The following CECR2 variants were observed in gnomAD, a reference collection of about 807,000 sequenced individuals.
CECR2 encodes CECR2 histone acetyl-lysine reader.
Under a neutral mutation model 154.5 loss-of-function variants are expected in CECR2, and 30 were observed. The observed-to-expected ratio is 0.19, with a 90% CI of 0.15 to 0.26. The LOEUF (loss-of-function observed/expected upper bound fraction) is 0.26. Among genes scored for constraint, CECR2 ranks in the 10% least tolerant of loss-of-function variants. CECR2 has a pLI of 1.00. For synonymous variants in CECR2, 725 were observed against 683.7 expected, an observed-to-expected ratio of 1.06 and a Z score of -0.94; for missense variants, 1,743 against 1,829.3, an observed-to-expected ratio of 0.95 and a Z score of 0.86.
chr22:17,515,837 G>A lies in CECR2; in HGVS notation c.954+3941G>A, dbSNP rs112900151. Among the ~76,000 whole-genome samples the A allele has an allele frequency of 2.4e-4, 37 of 152,154 alleles. No homozygotes were observed. The East Asian group carries it at 3.3e-3, about 14-fold the overall frequency. On this transcript the variant is annotated intron_variant, in intron 8 of 18. Transcript: ENST00000262608. Reference sequence around the variant, plus strand: ...ACTACAGGCGCCCGCCACCACGCCCGGCTAATTCTCTGTATTTTTAGTAGA... The same window carrying A: ...ACTACAGGCGCCCGCCACCACGCCCAGCTAATTCTCTGTATTTTTAGTAGA...
chr22:17,512,007 C>T, intron 8 of CECR2, 111 bp downstream of exon 8: 1 of 804,806 alleles, frequency 1.2e-6, no homozygotes, highest in Non-Finnish European at 2.0e-6. Context: ...TTTCCTAAAC[C>T]CCAAATGTTT....
rs695634 is a variant in CECR2, at chr22:17,532,700, C to CTTTTTTTTTTTTTTTTTTTTTTTTTTTTT, written c.1109-4396_1109-4368dup. On this transcript the variant is annotated intron_variant, in intron 9 of 18. Transcript: ENST00000262608. ...CCAAGTAGGTATATTCATTATTATT[C>CTTTTTTTTTTTTTTTTTTTTTTTTTTTTT]TTTTTTTTTTTTTTTTTTTTTTTTT... Among the ~76,000 whole-genome samples the CTTTTTTTTTTTTTTTTTTTTTTTTTTTTT allele has an allele frequency of 1.7e-4, 6 of 35,792 alleles. 1 individual carries two copies. Among genetic ancestry groups the CTTTTTTTTTTTTTTTTTTTTTTTTTTTTT allele is most frequent in the African/African-American group, 2.3e-4 (2 of 8,578 alleles). 23.5% of individuals were successfully genotyped at this position (35,792 alleles called of 152,430 possible).
intron 16 of CECR2, among the ~76,000 whole-genome samples, chr22:17,545,247 G>A (rs1176664157): frequency 6.6e-6 from 1 of 150,422 alleles, no homozygotes; most frequent in African/African-American, 2.4e-5. Flanking sequence ...TGATGGTAGA[G>A]GCCTGTAAGT....
At chr22:17,480,465 A>G (rs1035379363) in intron 2 of CECR2, among the ~76,000 whole-genome samples, 5 of 92,098 alleles carry the variant, frequency 5.4e-5, no homozygotes, top group Non-Finnish European at 8.2e-5. Flanking sequence ...CACACAGAGA[A>G]AAGTGCTCAT....
chr22:17,431,435 C>T (rs1241694680), intron 1 of CECR2, among the ~76,000 whole-genome samples: 1 of 152,142 alleles, frequency 6.6e-6, no homozygotes, highest in East Asian at 1.9e-4. Flanking sequence ...GTTTCCTGTT[C>T]TCAGTAAATT....
chr22:17,386,651 G>A (rs535189106), intron 1 of CECR2, among the ~76,000 whole-genome samples: 210 of 149,100 alleles, frequency 1.4e-3, no homozygotes, highest in African/African-American at 4.9e-3. Context: ...CCACAGAAAT[G>A]TGCCTTTTTT....
intron 2 of CECR2, among the ~76,000 whole-genome samples, chr22:17,494,678 A>G (rs2055590538): frequency 1.3e-5 from 2 of 152,156 alleles, no homozygotes; most frequent in South Asian, 2.1e-4. Flanking sequence ...TCTCTTTGAA[A>G]AAGCAAACTG....
chr22:17,368,852 C>A (rs1376350689), upstream of CECR2, among the ~76,000 whole-genome samples: 1 of 152,130 alleles, frequency 6.6e-6, no homozygotes, highest in African/African-American at 2.4e-5. Context: ...TCCCGCCGCT[C>A]TCCAGCCTCC....
At chr22:17,498,119 T>C (rs952668875) in intron 3 of CECR2, among the ~76,000 whole-genome samples, 2 of 152,154 alleles carry the variant, frequency 1.3e-5, no homozygotes, top group Non-Finnish European at 2.9e-5. Context: ...GGCCGGGTGC[T>C]GTGGCTCACG....
intron 7 of CECR2, 114 bp downstream of exon 7, chr22:17,505,130 C>G (rs1337735481): frequency 9.8e-7 from 1 of 1,024,648 alleles, no homozygotes; most frequent in African/African-American, 1.6e-5. Context: ...ATAGTGCAGT[C>G]TTCCATCCTG....
intron 1 of CECR2, among the ~76,000 whole-genome samples, chr22:17,466,489 G>A (rs1454033864): frequency 1.3e-5 from 2 of 152,026 alleles, no homozygotes; most frequent in African/African-American, 2.4e-5. Flanking sequence ...GTAAAATGAT[G>A]CCATTAATAC....
At chr22:17,410,474 GTC>G (rs2054051963) in intron 1 of CECR2, among the ~76,000 whole-genome samples, 1 of 151,770 alleles carries the variant, frequency 6.6e-6, no homozygotes, top group African/African-American at 2.4e-5. Context: ...TTTTGAGACA[GTC>G]TCTCTCTGTC....
chr22:17,385,776 C>T (rs535617753), intron 1 of CECR2, among the ~76,000 whole-genome samples: 5 of 152,046 alleles, frequency 3.3e-5, no homozygotes, highest in East Asian at 1.9e-4. Context: ...AATATCTGCA[C>T]GTTCAGTAAA....
intron 1 of CECR2, among the ~76,000 whole-genome samples, chr22:17,370,788 C>T (rs1386019331): frequency 6.6e-6 from 1 of 152,208 alleles, no homozygotes; most frequent in Non-Finnish European, 1.5e-5. Flanking sequence ...TCGGCCAGCC[C>T]AGCGGCAGCC....
At chr22:17,448,015 A>AT (rs2054705177) in intron 1 of CECR2, among the ~76,000 whole-genome samples, 1 of 152,152 alleles carries the variant, frequency 6.6e-6, no homozygotes, top group African/African-American at 2.4e-5. Flanking sequence ...TTGGGTAACA[A>AT]TTTTTTAGAG....
intron 3 of CECR2, 120 bp downstream of exon 3, chr22:17,497,706 A>G (rs1397021466): frequency 1.1e-6 from 1 of 910,240 alleles, no homozygotes; most frequent in Non-Finnish European, 1.7e-6. Context: ...TAGTCTTGGT[A>G]CTATTCATTG....
chr22:17,457,651 C>G (rs116355958), intron 1 of CECR2, among the ~76,000 whole-genome samples: 1,690 of 152,222 alleles, frequency 0.011, 27 homozygotes, highest in African/African-American at 0.039. Context: ...ACCATATGAC[C>G]CAGCGGTTAC....
At chr22:17,404,400 G>A (rs1385654284) in intron 1 of CECR2, among the ~76,000 whole-genome samples, 1 of 29,080 alleles carries the variant, frequency 3.4e-5, no homozygotes, top group East Asian at 5.4e-4. Context: ...TTGAGACGGA[G>A]TCTCGCTCTG....
intron 1 of CECR2, among the ~76,000 whole-genome samples, chr22:17,452,107 C>T (rs572069575): frequency 6.6e-5 from 10 of 152,300 alleles, no homozygotes; most frequent in Non-Finnish European, 1.2e-4. Flanking sequence ...GGGTCTGGCT[C>T]TTTCGCCCAG....
Sources: gnomAD v4.1 joint callset for allele counts (sites outside exome capture counted in the v4.1 genomes callset) on GRCh38, gnomAD v4.1.1 for gene constraint, MANE v1.5 for transcripts, NCBI Gene and HGNC (gene_info 2026-07-23, HGNC 2026-07-21) for gene names.